The following LRRK2 variants were observed in gnomAD, a reference collection of about 807,000 sequenced individuals.
LRRK2 encodes leucine-rich repeat serine/threonine-protein kinase 2.
In LRRK2, 203 loss-of-function variants were observed where a neutral mutation model predicts 302.6. That is an observed-to-expected ratio of 0.67 (90% CI 0.60 to 0.75). The LOEUF (loss-of-function observed/expected upper bound fraction) is 0.75, where lower values mean the gene tolerates loss of function less well. Ranked by LOEUF, LRRK2 falls within the 30% of genes least tolerant of loss-of-function variation. The pLI is 0.00. For synonymous variants in LRRK2, 1,066 were observed against 1,031.9 expected, an observed-to-expected ratio of 1.03 and a Z score of -0.63; for missense variants, 2,830 against 2,951.0, an observed-to-expected ratio of 0.96 and a Z score of 0.95.
chr12:40,320,462 T>TC (rs1555189525), intron 34 of LRRK2, among the ~76,000 whole-genome samples: 1 of 151,944 alleles, frequency 6.6e-6, no homozygotes, highest in Non-Finnish European at 1.5e-5. Flanking sequence ...TGTGTGTGTG[T>TC]CTGTGTTTGT....
At chr12:40,267,601 A>T (rs4768224) in intron 14 of LRRK2, among the ~76,000 whole-genome samples, 108,124 of 152,004 alleles carry the variant, frequency 0.71, 38,622 homozygotes, top group African/African-American at 0.75. Context: ...CTTTGTTCCA[A>T]CTGAGAAGAA....
In LRRK2 at chr12:40,305,971, G is replaced by C; in HGVS notation, c.3959+5G>C. ...TAAAGCCAAAGACATCATAAGGTTA[G>C]ATAATTTTTTTCTATTTGGTTTTAC... On this transcript the variant is annotated splice_donor_5th_base_variant and intron_variant, in intron 28 of 50. Coordinates refer to ENST00000298910, the MANE Select transcript of LRRK2 (RefSeq NM_198578.4). The C allele has an allele frequency of 6.3e-7, 1 of 1,599,148 alleles. No individual in the cohort carries two copies. Among genetic ancestry groups the C allele is most frequent in the Non-Finnish European group, 8.5e-7 (1 of 1,169,832 alleles).
At chr12:40,245,787 G>A (rs1592153001) in intron 7 of LRRK2, among the ~76,000 whole-genome samples, 1 of 152,010 alleles carries the variant, frequency 6.6e-6, no homozygotes, top group Admixed American at 6.6e-5. Flanking sequence ...AAATGCAAAT[G>A]ATTTTTTGTA....
intron 6 of LRRK2, 54 bp from the exon 7 acceptor site, chr12:40,243,496 T>C: frequency 6.3e-7 from 1 of 1,597,534 alleles, no homozygotes; most frequent in East Asian, 2.3e-5. Context: ...TGTATGCATA[T>C]TTGAAAGGAG....
Position 40,295,427 on chromosome 12 carries a change from G to C in LRRK2, c.2879G>C (p.Arg960Thr), listed in dbSNP as rs763415980. Reference protein sequence around the residue: ...RKILSSDDSLRSSKLQSHMRH... With the variant: ...RKILSSDDSLTSSKLQSHMRH... ...ATTGTTTGTTTGTTTTTGACAAAAG[G>C]GTCATCAAAACTTCAATCCCATATG... Residue 960 changes from arginine (R) to threonine (T), a missense_variant and splice_region_variant, in exon 23 of 51, where the codon AGG becomes ACG. Transcript: ENST00000298910. The C allele has an allele frequency of 5.0e-6, 8 of 1,610,970 alleles. No homozygotes were observed. Among genetic ancestry groups the C allele is most frequent in the Non-Finnish European group, 5.9e-6 (7 of 1,179,274 alleles).
intron 44 of LRRK2, 79 bp downstream of exon 44, chr12:40,351,812 A>G: frequency 7.5e-7 from 1 of 1,340,726 alleles, no homozygotes; most frequent in Non-Finnish European, 1.1e-6. Flanking sequence ...TAAATTAAAT[A>G]AGAGCCAATG....
chr12:40,333,672 C>T (rs573199157), intron 39 of LRRK2, among the ~76,000 whole-genome samples: 1 of 150,844 alleles, frequency 6.6e-6, no homozygotes, highest in South Asian at 2.1e-4. Flanking sequence ...AAAATGATAT[C>T]TCGGACTTTT....
chr12:40,289,789 C>T (rs973062223), intron 20 of LRRK2, among the ~76,000 whole-genome samples: 3 of 151,744 alleles, frequency 2.0e-5, no homozygotes, highest in Admixed American at 2.0e-4. Context: ...ATTTTGTATC[C>T]TGTAAACTTA....
chr12:40,239,357 A>G (rs1565671350), intron 5 of LRRK2, among the ~76,000 whole-genome samples: 1 of 152,158 alleles, frequency 6.6e-6, no homozygotes, highest in African/African-American at 2.4e-5. Flanking sequence ...CTATCTTGCA[A>G]CTAAGCTTTC....
chr12:40,363,380 T>C (rs1353155809), intron 47 of LRRK2, 22 bp from the exon 48 acceptor site: 3 of 1,548,762 alleles, frequency 1.9e-6, no homozygotes, highest in Non-Finnish European at 1.7e-6. Context: ...AGTGATGACT[T>C]TCTATTTTTT....
chr12:40,273,135 A>G (rs888290454), intron 14 of LRRK2, among the ~76,000 whole-genome samples: 2 of 152,172 alleles, frequency 1.3e-5, no homozygotes, highest in Admixed American at 1.3e-4. Context: ...CAGCCTTCCA[A>G]TTTCACTTTG....
At chr12:40,227,498 T>G (rs1369564205) in intron 2 of LRRK2, among the ~76,000 whole-genome samples, 3 of 152,148 alleles carry the variant, frequency 2.0e-5, no homozygotes, top group African/African-American at 7.2e-5. Flanking sequence ...ACCATTCTAC[T>G]CTCTTCCTCC....
chr12:40,259,564 G>T lies in LRRK2; in HGVS notation c.1503G>T (p.Gln501His). 1 of 1,613,344 alleles carries T rather than the reference G, an allele frequency of 6.2e-7. No homozygotes were observed. The highest frequency in any genetic ancestry group is 8.5e-7 in the Non-Finnish European group (1 of 1,179,452). ...MKRHETSLPVQLEALRAILHF... is the reference protein window; with the variant it reads ...MKRHETSLPVHLEALRAILHF... ...GTCATGAGACATCATTACCAGTGCAGCTGGAGGCGCTTCGAGCTATTTTAC... is the reference window on the plus strand; with the variant it reads ...GTCATGAGACATCATTACCAGTGCATCTGGAGGCGCTTCGAGCTATTTTAC... Residue 501 changes from glutamine (Q) to histidine (H), a missense_variant, in exon 13 of 51, where the codon CAG becomes CAT. By Grantham distance (24) the Gln-to-His change is conservative. Coordinates refer to ENST00000298910, the MANE Select transcript of LRRK2 (RefSeq NM_198578.4).
rs372775960 is a variant in LRRK2, at chr12:40,293,663, G to A, written c.2808G>A (p.Leu936=). The A allele has an allele frequency of 1.3e-6, 2 of 1,590,602 alleles. No homozygotes were observed. Among genetic ancestry groups the A allele is most frequent in the Non-Finnish European group, 1.7e-6 (2 of 1,159,702 alleles). The part of the protein sequence containing the change: ...SPNLQRHSNS[L]GPIFDHEDLL... ...ATTTGCAAAGACATTCCAATTCCTTGGTAAGTTAAATTGTGCAATTGTGAT... is the reference window on the plus strand; with the variant it reads ...ATTTGCAAAGACATTCCAATTCCTTAGTAAGTTAAATTGTGCAATTGTGAT... The change falls in exon 21 of 51, where the codon TTG becomes TTA. Residue 936 remains leucine (L), a splice_region_variant and synonymous_variant. Coordinates refer to ENST00000298910, the MANE Select transcript of LRRK2 (RefSeq NM_198578.4).
chr12:40,236,774 A>C (rs1431845345), intron 4 of LRRK2, among the ~76,000 whole-genome samples: 8 of 152,240 alleles, frequency 5.3e-5, no homozygotes, highest in Admixed American at 6.5e-5. Context: ...TCAACATTTC[A>C]CTACAGCTTT....
chr12:40,351,856 C>A, intron 44 of LRRK2, 123 bp downstream of exon 44: 1 of 953,606 alleles, frequency 1.0e-6, no homozygotes, highest in Non-Finnish European at 1.6e-6. Context: ...TCTGTTAGAA[C>A]AAGAGTATTC....
At chr12:40,333,738 T>A (rs920858939) in intron 39 of LRRK2, among the ~76,000 whole-genome samples, 1 of 150,858 alleles carries the variant, frequency 6.6e-6, no homozygotes, top group African/African-American at 2.4e-5. Flanking sequence ...GGGTGGCCCA[T>A]GGCGGGCCTC....
intron 14 of LRRK2, among the ~76,000 whole-genome samples, chr12:40,272,953 C>T (rs1313334709): frequency 3.9e-5 from 6 of 152,112 alleles, no homozygotes; most frequent in East Asian, 1.9e-4. Flanking sequence ...GAAAGTCTCT[C>T]GTTAACTCTT....
At chr12:40,335,410 C>T (rs1012239032) in intron 40 of LRRK2, among the ~76,000 whole-genome samples, 1 of 152,210 alleles carries the variant, frequency 6.6e-6, no homozygotes, top group Non-Finnish European at 1.5e-5. Flanking sequence ...ATCATCTTAA[C>T]CCTGTACTGA....
Sources: allele counts gnomAD v4.1 joint callset (sites outside exome capture counted in the v4.1 genomes callset), GRCh38; gene constraint gnomAD v4.1.1; transcripts MANE v1.5; gene names NCBI Gene and HGNC (gene_info 2026-07-23, HGNC 2026-07-21).